The following NAA15 variants were observed in gnomAD, a reference collection of about 807,000 sequenced individuals.
NAA15 encodes N-alpha-acetyltransferase 15, NatA auxiliary subunit.
A neutral mutation model predicts 114.0 loss-of-function variants in NAA15; 34 were observed. The observed-to-expected ratio is 0.30, with a 90% CI of 0.23 to 0.40. NAA15 has a LOEUF of 0.40. Among genes scored for constraint, NAA15 ranks in the 10% least tolerant of loss-of-function variants. The pLI is 1.00. For missense variants in NAA15, 658 were observed against 1,004.5 expected (o/e 0.66, Z 4.66); for synonymous variants, 340 against 338.0 (o/e 1.01, Z -0.06).
intron 7 of NAA15, among the ~76,000 whole-genome samples, chr4:139,350,590 C>G (rs554649231): frequency 6.6e-5 from 10 of 152,212 alleles, no homozygotes; most frequent in South Asian, 4.1e-4. Context: ...TAGTTGTGAG[C>G]CATTGAAATA....
chr4:139,315,425 G>C (rs1483570814), intron 1 of NAA15, among the ~76,000 whole-genome samples: 1 of 151,818 alleles, frequency 6.6e-6, no homozygotes, highest in Non-Finnish European at 1.5e-5. Flanking sequence ...AGGCTGAGGT[G>C]GGGGATTGCT....
chr4:139,342,754 G>A, intron 4 of NAA15, 72 bp from the exon 5 acceptor site: 2 of 1,459,682 alleles, frequency 1.4e-6, no homozygotes, highest in Admixed American at 1.9e-5. Context: ...GGCCTAATAT[G>A]GAGATCTTTT....
At chr4:139,383,426 C>G (rs944024865) in intron 17 of NAA15, among the ~76,000 whole-genome samples, 2 of 152,204 alleles carry the variant, frequency 1.3e-5, no homozygotes, top group African/African-American at 4.8e-5. Flanking sequence ...GGAATCATCT[C>G]TAAATCCCAA....
chr4:139,359,568 G>A (rs1207119058), intron 11 of NAA15, among the ~76,000 whole-genome samples, 175 bp from the exon 12 acceptor site: 1 of 152,176 alleles, frequency 6.6e-6, no homozygotes, highest in African/African-American at 2.4e-5. Context: ...GCTGGAAAAA[G>A]GAATCAGAAC....
chr4:139,385,785 A>C (rs1579142959), intron 18 of NAA15, among the ~76,000 whole-genome samples: 1 of 152,204 alleles, frequency 6.6e-6, no homozygotes, highest in East Asian at 1.9e-4. Context: ...TATTCTGCTT[A>C]TTTCAGAAAG....
chr4:139,387,756 G>A, intron 19 of NAA15, 128 bp from the exon 20 acceptor site: 1 of 704,394 alleles, frequency 1.4e-6, no homozygotes, highest in Non-Finnish European at 2.4e-6. Flanking sequence ...TGCATATGCA[G>A]GAGTAAATAG....
chr4:139,347,080 A>G (rs560112303), intron 6 of NAA15, among the ~76,000 whole-genome samples: 139 of 151,494 alleles, frequency 9.2e-4, no homozygotes, highest in African/African-American at 3.3e-3. Context: ...GCTATGGGTT[A>G]TTTTTAGTGT....
chr4:139,380,195 C>T (rs1206805554), intron 17 of NAA15, among the ~76,000 whole-genome samples: 2 of 150,490 alleles, frequency 1.3e-5, no homozygotes, highest in African/African-American at 4.9e-5. Flanking sequence ...ATAATGTAAC[C>T]ATATTGTAGA....
chr4:139,346,624 C>T (rs979400861), intron 6 of NAA15, among the ~76,000 whole-genome samples: 20 of 151,586 alleles, frequency 1.3e-4, no homozygotes, highest in African/African-American at 3.2e-4. Context: ...GATCTTGGCT[C>T]GCCGCAACCT....
At chr4:139,323,115 G>A (rs1357711612) in intron 1 of NAA15, among the ~76,000 whole-genome samples, 1 of 141,994 alleles carries the variant, frequency 7.0e-6, no homozygotes, top group Non-Finnish European at 1.5e-5. Flanking sequence ...GGAGTGCAGT[G>A]GTATGATCTT....
At chr4:139,358,718 T>C (rs979772138) in intron 11 of NAA15, among the ~76,000 whole-genome samples, 4 of 152,164 alleles carry the variant, frequency 2.6e-5, no homozygotes, top group Admixed American at 6.5e-5. Flanking sequence ...ATGAGGAACA[T>C]TGGGGAATGT....
intron 1 of NAA15, among the ~76,000 whole-genome samples, chr4:139,329,175 C>A (rs1390258244): frequency 6.6e-6 from 1 of 152,058 alleles, no homozygotes; most frequent in African/African-American, 2.4e-5. Flanking sequence ...AGCCACTGTG[C>A]CCAGCCTTAA....
At position 139,338,436 on chromosome 4, in the gene NAA15, GT is replaced by G. The variant is rs887603145; in HGVS notation, c.244+1493del. On this transcript the variant is annotated intron_variant, in intron 3 of 19. Transcript: ENST00000296543. ...TGCATGCCATCCTAAACATTCTGGG[GT>G]TTTTTTTTGTTTGTTTGTGCTTTTT... Among the ~76,000 whole-genome samples the G allele has an allele frequency of 1.5e-3, 222 of 151,368 alleles. 2 individuals carry two copies. Among genetic ancestry groups the G allele is most frequent in the African/African-American group, 4.9e-3 (202 of 41,310 alleles).
chr4:139,302,376 A>G (rs1745821781), intron 1 of NAA15: 1 of 152,938 alleles, frequency 6.5e-6, no homozygotes, highest in African/African-American at 2.4e-5. Flanking sequence ...GAGGGAAAGA[A>G]GGAGTTCAGA....
Position 139,333,358 on chromosome 4 carries a change from A to T in NAA15, c.55-816A>T, listed in dbSNP as rs116661220. Reference sequence around the variant, plus strand: ...TATTTCATTTTTACTTTCAAATAAGAGTGCATTGCTATTCTGATTATAGAT... The same window carrying T: ...TATTTCATTTTTACTTTCAAATAAGTGTGCATTGCTATTCTGATTATAGAT... On this transcript the variant is annotated intron_variant, in intron 1 of 19. Transcript: ENST00000296543. 8.5e-3 allele frequency among the ~76,000 whole-genome samples: 1,291 copies of T among 152,224 alleles called. 19 individuals are homozygous for T. The highest frequency in any genetic ancestry group is 0.03 in the African/African-American group (1,237 of 41,512).
In NAA15 at chr4:139,386,198, C is replaced by T. The variant is rs997896274; in HGVS notation, c.2368C>T (p.Leu790Phe). The T allele has an allele frequency of 1.2e-6, 2 of 1,608,786 alleles. No individual in the cohort carries two copies. Among genetic ancestry groups the T allele is most frequent in the Non-Finnish European group, 1.7e-6 (2 of 1,176,544 alleles). The change falls in exon 19 of 20, where the codon CTT (leucine) becomes TTT (phenylalanine). Residue 790 changes from leucine to phenylalanine, a missense_variant. By Grantham distance (22) the Leu-to-Phe change is conservative. Around this residue, in one of 6 missense-constraint regions of NAA15, gnomAD observed 275 missense variants for 371.1 expected, o/e 0.74. Transcript: ENST00000296543. ...QKRAIELATTLDESLTNRNLQ... is the reference protein window; with the variant it reads ...QKRAIELATTFDESLTNRNLQ... ...GCGAGCTATAGAGTTGGCAACAACA[C>T]TTGATGAATCTCTCACTAACAGAAA...
intron 14 of NAA15, among the ~76,000 whole-genome samples, 157 bp downstream of exon 14, chr4:139,362,094 A>T (rs1748150234): frequency 6.6e-6 from 1 of 152,244 alleles, no homozygotes; most frequent in Non-Finnish European, 1.5e-5. Flanking sequence ...GTTTACTTTT[A>T]TGCTTCCAAA....
At chr4:139,312,693 A>G (rs1746261580) in intron 1 of NAA15, among the ~76,000 whole-genome samples, 1 of 151,668 alleles carries the variant, frequency 6.6e-6, no homozygotes, top group African/African-American at 2.4e-5. Context: ...AAAATGAAAA[A>G]GTTACTTGGA....
intron 1 of NAA15, among the ~76,000 whole-genome samples, chr4:139,308,456 T>C (rs1257013810): frequency 6.6e-6 from 1 of 152,240 alleles, no homozygotes; most frequent in African/African-American, 2.4e-5. Flanking sequence ...GTTTTGCAAC[T>C]AAGAGTGGAC....
Sources: gnomAD v4.1 joint callset for allele counts (sites outside exome capture counted in the v4.1 genomes callset) on GRCh38, gnomAD v4.1.1 for gene constraint, gnomAD v4.1.1 regional missense constraint, MANE v1.5 for transcripts, NCBI Gene and HGNC (gene_info 2026-07-23, HGNC 2026-07-21) for gene names.